SSB: variants seen among roughly 807,000 people sequenced by gnomAD.
SSB encodes small RNA binding exonuclease protection factor La, also known as lupus La protein.
In SSB, 17 loss-of-function variants were observed where a neutral mutation model predicts 52.9. The observed-to-expected ratio is 0.32, with a 90% CI of 0.22 to 0.48. SSB has a LOEUF of 0.48. Ranked by LOEUF, SSB falls within the 20% of genes least tolerant of loss-of-function variation. The pLI is 0.99. For missense variants in SSB, 314 were observed against 463.6 expected, an observed-to-expected ratio of 0.68 and a Z score of 2.96; for synonymous variants, 111 against 152.1, an observed-to-expected ratio of 0.73 and a Z score of 1.99.
In SSB at chr2:169,806,831, T is replaced by C; in HGVS notation, c.392T>C (p.Leu131Ser). Residue 131 changes from leucine to serine, a missense_variant, in exon 5 of 12, where the codon TTA becomes TCA. Physicochemically the swap from Leu to Ser is moderately radical, Grantham distance 145 (BLOSUM62 -2). Coordinates refer to ENST00000260956, the MANE Select transcript of SSB (RefSeq NM_003142.5). ...ACTCTTGATGACATAAAAGAATGGT[T>C]AGAAGATAAAGGTCAAGTACTAAAT... ...DATLDDIKEW[L>S]EDKGQVLNIQ... 3 of 1,613,526 alleles carry C rather than the reference T, an allele frequency of 1.9e-6. No homozygotes were observed. The highest frequency in any genetic ancestry group is 1.7e-6 in the Non-Finnish European group (2 of 1,179,802).
chr2:169,803,773 C>T (rs555174670), intron 2 of SSB, among the ~76,000 whole-genome samples: 3 of 151,652 alleles, frequency 2.0e-5, no homozygotes, highest in Admixed American at 1.3e-4. Context: ...CAGTATTGCT[C>T]TCCTCTCAGG....
chr2:169,803,738 CT>C (rs879916895), intron 2 of SSB, among the ~76,000 whole-genome samples: 178 of 143,842 alleles, frequency 1.2e-3, no homozygotes, highest in Non-Finnish European at 1.1e-3. Context: ...AAAATAGTGT[CT>C]TTTTTTTTTT....
chr2:169,807,737 C>CTTTTTTTTTTT lies in SSB; in HGVS notation c.554+679_554+689dup, dbSNP rs55845251. Among the ~76,000 whole-genome samples the CTTTTTTTTTTT allele has an allele frequency of 7.0e-4, 52 of 74,032 alleles. 2 individuals carry two copies. Among genetic ancestry groups the CTTTTTTTTTTT allele is most frequent in the Non-Finnish European group, 8.8e-4 (36 of 41,064 alleles). The allele number at this position is 74,032 out of a possible 152,430, so 48.6% of individuals were successfully genotyped here. A position where few individuals can be genotyped will look rare whatever the true frequency, so the allele number is the denominator to read the frequency against. ...ATCTTATTTTTCATAGCCTATATGT[C>CTTTTTTTTTTT]TTTTTTTTTTTTTTTTTTTTTTTAC... On this transcript the variant is annotated intron_variant, in intron 6 of 11. Coordinates refer to ENST00000260956, the MANE Select transcript of SSB (RefSeq NM_003142.5).
Position 169,800,398 on chromosome 2 carries a change from G to A in SSB, c.-9-554G>A, listed in dbSNP as rs555056001. 2.0e-4 allele frequency among the ~76,000 whole-genome samples: 30 copies of A among 152,178 alleles called. No individual in the cohort carries two copies. In the South Asian group the frequency reaches 5.6e-3, roughly 28 times the overall value. On this transcript the variant is annotated intron_variant, in intron 1 of 11. Transcript: ENST00000260956. ...ATACAAAAATTAGTCAGCCGCAGCC[G>A]TGGTGGTGGGCGCCTGTAATCCCAG... is the stretch of plus-strand genomic sequence containing the variant.
At chr2:169,806,529 T>C (rs1689832586) in intron 4 of SSB, 1 of 323,308 alleles carries the variant, frequency 3.1e-6, no homozygotes, top group East Asian at 5.7e-5. Context: ...TAGTAGTTAA[T>C]AACAGAACAT....
At chr2:169,809,038 G>A (rs1689889208) in intron 8 of SSB, 136 bp downstream of exon 8, 1 of 732,914 alleles carries the variant, frequency 1.4e-6, no homozygotes, top group South Asian at 1.5e-5. Context: ...AATACATCAG[G>A]TATTATATTG....
chr2:169,803,786 G>T (rs1219611312), intron 2 of SSB, among the ~76,000 whole-genome samples: 1 of 151,934 alleles, frequency 6.6e-6, no homozygotes, highest in African/African-American at 2.4e-5. Flanking sequence ...CTCTCAGGCT[G>T]GAGTACAGTG....
intron 11 of SSB, among the ~76,000 whole-genome samples, 154 bp downstream of exon 11, chr2:169,811,477 A>G (rs1382644612): frequency 6.6e-6 from 1 of 152,202 alleles, no homozygotes; most frequent in Non-Finnish European, 1.5e-5. Flanking sequence ...ATGCTGTTGT[A>G]TAAGTCAGGG....
Position 169,811,195 on chromosome 2 carries a change from A to C in SSB, c.1010A>C (p.Lys337Thr), listed in dbSNP as rs757465425. Reference sequence around the variant, plus strand: ...TGTGTCTCTACAGGTCGTAGATTTAAAGGAAAAGGAAAGGGTAATAAAGCT... The same window carrying C: ...TGTGTCTCTACAGGTCGTAGATTTACAGGAAAAGGAAAGGGTAATAAAGCT... ...NKWKSKGRRFKGKGKGNKAAQ... is the reference protein window; with the variant it reads ...NKWKSKGRRFTGKGKGNKAAQ... Residue 337 changes from lysine to threonine, a missense_variant, in exon 11 of 12, where the codon AAA (lysine) becomes ACA (threonine). Transcript: ENST00000260956. 2 of 1,609,192 alleles carry C rather than the reference A, an allele frequency of 1.2e-6. No homozygotes were observed. Among genetic ancestry groups the C allele is most frequent in the Non-Finnish European group, 1.7e-6 (2 of 1,179,018 alleles).
At chr2:169,805,377 T>C (rs777078354) in intron 2 of SSB, 97 bp from the exon 3 acceptor site, 18 of 841,294 alleles carry the variant, frequency 2.1e-5, no homozygotes, top group Middle Eastern at 3.6e-4. Flanking sequence ...TTGTAACTTA[T>C]GTATTTTTAA....
chr2:169,811,175 C>G lies in SSB; in HGVS notation c.998-8C>G, dbSNP rs766156155. The G allele has an allele frequency of 6.2e-7, 1 of 1,606,468 alleles. No homozygotes were observed. The highest frequency in any genetic ancestry group is 8.5e-7 in the Non-Finnish European group (1 of 1,178,470). On this transcript the variant is annotated splice_polypyrimidine_tract_variant and splice_region_variant and intron_variant, in intron 10 of 11. Coordinates refer to ENST00000260956, the MANE Select transcript of SSB (RefSeq NM_003142.5). Reference sequence around the variant, plus strand: ...TTCTTTACAGAGTGCTCAATTGTGTCTCTACAGGTCGTAGATTTAAAGGAA... The same window carrying G: ...TTCTTTACAGAGTGCTCAATTGTGTGTCTACAGGTCGTAGATTTAAAGGAA...
At chr2:169,799,284 T>TA (rs1190537212) in intron 1 of SSB, 1 of 147,216 alleles carries the variant, frequency 6.8e-6, no homozygotes, top group African/African-American at 2.5e-5. Flanking sequence ...GCGTCTTTTT[T>TA]TTTTTTTTTT....
At position 169,806,853 on chromosome 2, in the gene SSB, A is replaced by C. The variant is rs539589875; in HGVS notation, c.414A>C (p.Leu138=). Residue 138 remains leucine (L), a synonymous_variant, in exon 5 of 12, where the codon CTA becomes CTC. Coordinates refer to ENST00000260956, the MANE Select transcript of SSB (RefSeq NM_003142.5). The stretch of plus-strand genomic sequence containing the variant: ...GGTTAGAAGATAAAGGTCAAGTACT[A>C]AATATTCAGATGAGAAGAACATTGC... The part of the protein sequence containing the change: ...KEWLEDKGQV[L]NIQMRRTLHK... The C allele has an allele frequency of 6.2e-7, 1 of 1,613,464 alleles. No individual in the cohort carries two copies. The highest frequency in any genetic ancestry group is 1.3e-5 in the African/African-American group (1 of 75,050).
chr2:169,810,729 C>G, intron 9 of SSB, 129 bp from the exon 10 acceptor site: 1 of 881,248 alleles, frequency 1.1e-6, no homozygotes, highest in Non-Finnish European at 1.7e-6. Flanking sequence ...TTCTACTGTT[C>G]AGTAAAATTC....
At chr2:169,810,202 A>T in intron 8 of SSB, 81 bp from the exon 9 acceptor site, 1 of 975,100 alleles carries the variant, frequency 1.0e-6, no homozygotes, top group Non-Finnish European at 1.4e-6. Flanking sequence ...TTTTTCTTGT[A>T]TAGCTATAAG....
Position 169,811,208 on chromosome 2 carries a change from G to A in SSB, c.1023G>A (p.Lys341=). The change falls in exon 11 of 12, where the codon AAG becomes AAA. Residue 341 remains lysine, a synonymous_variant. Transcript: ENST00000260956. ...GTCGTAGATTTAAAGGAAAAGGAAA[G>A]GGTAATAAAGCTGCCCAGCCTGGGT... ...SKGRRFKGKG[K]GNKAAQPGSG... is the part of the protein sequence containing the mutation. 1 of 1,610,690 alleles carries A rather than the reference G, an allele frequency of 6.2e-7. No individual in the cohort carries two copies. The highest frequency in any genetic ancestry group is 8.5e-7 in the Non-Finnish European group (1 of 1,179,348).
In SSB at chr2:169,805,548, A is replaced by G. The variant is rs767268294; in HGVS notation, c.141A>G (p.Val47=). 6.2e-7 allele frequency: 1 copy of G among 1,613,934 alleles called. No individual in the cohort carries two copies. Among genetic ancestry groups the G allele is most frequent in the South Asian group, 1.1e-5 (1 of 90,988 alleles). The part of the protein sequence containing the change: ...KEQIKLDEGW[V]PLEIMIKFNR... ...AGATAAAACTGGATGAAGGCTGGGT[A>G]CCTTTGGAGATAATGATAAAATTCA... The change falls in exon 3 of 12, where the codon GTA becomes GTG. Residue 47 remains valine, a synonymous_variant. Coordinates refer to ENST00000260956, the MANE Select transcript of SSB (RefSeq NM_003142.5).
chr2:169,806,166 T>C, intron 4 of SSB: 1 of 313,814 alleles, frequency 3.2e-6, no homozygotes, highest in Non-Finnish European at 6.2e-6. Flanking sequence ...GGTCTTCCTG[T>C]GTTGCCCAGG....
Position 169,811,704 on chromosome 2 carries a change from A to G in SSB, c.1175A>G (p.Glu392Gly), listed in dbSNP as rs1689961646. The change falls in exon 12 of 12, where the codon GAA (glutamate) becomes GGA (glycine). Residue 392 changes from glutamate to glycine, a missense_variant. By Grantham distance (98) the Glu-to-Gly change is moderately conservative (BLOSUM62 -2). Transcript: ENST00000260956. ...AGAGCAAGAGAAGAAACAGACAAAG[A>G]AGAACCTGCATCCAAACAACAGAAA... ...VKRAREETDK[E>G]EPASKQQKTE... 4 of 1,613,228 alleles carry G rather than the reference A, an allele frequency of 2.5e-6. No individual in the cohort carries two copies. The South Asian group carries it at 4.4e-5, about 18-fold the overall frequency.
Sources: gnomAD v4.1 joint callset for allele counts (sites outside exome capture counted in the v4.1 genomes callset) on GRCh38, gnomAD v4.1.1 for gene constraint, MANE v1.5 for transcripts, NCBI Gene and HGNC (gene_info 2026-07-23, HGNC 2026-07-21) for gene names.